Variants in DHX15 observed in about 807,000 individuals in gnomAD.
The protein encoded by DHX15 is DEAH-box helicase 15, also known as ATP-dependent RNA helicase DHX15.
A neutral mutation model predicts 94.4 loss-of-function variants in DHX15; 11 were observed. That is an observed-to-expected ratio of 0.12 (90% confidence interval 0.07 to 0.19). The LOEUF (loss-of-function observed/expected upper bound fraction) is 0.19, where lower values mean the gene tolerates loss of function less well. Ranked by LOEUF, DHX15 falls within the 10% of genes least tolerant of loss-of-function variation. The pLI is 1.00. For synonymous variants in DHX15, 338 were observed against 329.9 expected (o/e 1.02, Z -0.27); for missense variants, 304 against 988.5 (o/e 0.31, Z 9.29).
intron 11 of DHX15, chr4:24,533,950 G>A (rs1721142512): frequency 6.6e-6 from 1 of 152,124 alleles, no homozygotes; most frequent in African/African-American, 2.4e-5. Flanking sequence ...TTTCTCTTTG[G>A]TTCTAGGATT....
At chr4:24,530,791 C>T (rs557989273) in intron 12 of DHX15, 2 of 152,180 alleles carry the variant, frequency 1.3e-5, no homozygotes, top group South Asian at 4.2e-4. Context: ...TTCTAATATT[C>T]TGTGCTTAAA....
At chr4:24,562,856 G>A (rs1721913787) in intron 3 of DHX15, among the ~76,000 whole-genome samples, 1 of 152,150 alleles carries the variant, frequency 6.6e-6, no homozygotes, top group Non-Finnish European at 1.5e-5. Context: ...TCAAATCTGT[G>A]AGACAATTCT....
chr4:24,574,210 A>AAG (rs756502035), intron 2 of DHX15, among the ~76,000 whole-genome samples: 2,734 of 131,950 alleles, frequency 0.021, 68 homozygotes, highest in Admixed American at 0.025. Flanking sequence ...TGTCTCAAAA[A>AAG]AAAAAAAAAA....
At position 24,563,615 on chromosome 4, in the gene DHX15, A is replaced by G. The variant is rs546465415; in HGVS notation, c.701+7039T>C. Reference sequence around the variant, plus strand: ...GAATATGTATGTTCTCATTTTAATGATTTAAAACATAATTTTTTTACTATT... The same window carrying G: ...GAATATGTATGTTCTCATTTTAATGGTTTAAAACATAATTTTTTTACTATT... On this transcript the variant is annotated intron_variant, in intron 3 of 13. Transcript: ENST00000336812. Among the ~76,000 whole-genome samples the G allele has an allele frequency of 2.4e-4, 37 of 152,334 alleles. 1 individual carries two copies. The South Asian group carries it at 7.5e-3, about 31-fold the overall frequency.
Position 24,548,873 on chromosome 4 carries a change from A to G in DHX15, c.1230T>C (p.Asn410=). The G allele has an allele frequency of 6.2e-7, 1 of 1,613,048 alleles. No homozygotes were observed. The part of the protein sequence containing the change: ...IFEPPPPKKQ[N]GAIGRKVVVS... The stretch of plus-strand genomic sequence containing the variant: ...ATGTTACCTTTCTTCCAATTGCTCC[A>G]TTCTGTTTTTTGGGAGGTGGAGGCT... The change falls in exon 6 of 14, where the codon AAT becomes AAC. Residue 410 remains asparagine, a synonymous_variant. Coordinates refer to ENST00000336812, the MANE Select transcript of DHX15 (RefSeq NM_001358.3).
At chr4:24,578,311 T>A (rs918935876) in intron 1 of DHX15, among the ~76,000 whole-genome samples, 13 of 152,248 alleles carry the variant, frequency 8.5e-5, no homozygotes, top group African/African-American at 3.1e-4. Flanking sequence ...AAGGTGACTG[T>A]TAATTAAGTG....
At chr4:24,556,212 A>T in intron 4 of DHX15, 39 bp downstream of exon 4, 1 of 1,579,980 alleles carries the variant, frequency 6.3e-7, no homozygotes, top group Non-Finnish European at 8.7e-7. Flanking sequence ...GCCCACATAC[A>T]CACATATATA....
chr4:24,573,398 C>T (rs115135245), intron 2 of DHX15, among the ~76,000 whole-genome samples: 8,296 of 152,298 alleles, frequency 0.054, 345 homozygotes, highest in Middle Eastern at 0.099. Context: ...CAGCTTTCAT[C>T]TTAGAGCTAA....
At chr4:24,556,533 T>A (rs1441980821) in intron 3 of DHX15, 123 bp from the exon 4 acceptor site, 2 of 763,424 alleles carry the variant, frequency 2.6e-6, no homozygotes, top group Non-Finnish European at 4.1e-6. Flanking sequence ...CCCAAACAAA[T>A]GTGCTACTGT....
At chr4:24,584,258 G>C in intron 1 of DHX15, 65 bp downstream of exon 1, 1 of 1,515,586 alleles carries the variant, frequency 6.6e-7, no homozygotes, top group Non-Finnish European at 8.9e-7. Flanking sequence ...GCCAGCCCCG[G>C]CCCGCTCCCT....
chr4:24,529,812 A>C (rs1721036836), intron 12 of DHX15, 42 bp from the exon 13 acceptor site: 1 of 1,600,258 alleles, frequency 6.2e-7, no homozygotes, highest in South Asian at 1.1e-5. Context: ...AATGCTTCTG[A>C]CTTGCTAGTT....
intron 2 of DHX15, among the ~76,000 whole-genome samples, chr4:24,575,292 T>G (rs1479348585): frequency 6.6e-6 from 1 of 152,188 alleles, no homozygotes; most frequent in African/African-American, 2.4e-5. Flanking sequence ...AAATTGTGTA[T>G]GCGGTATGTT....
At chr4:24,567,487 G>A (rs1467612990) in intron 3 of DHX15, among the ~76,000 whole-genome samples, 4 of 151,796 alleles carry the variant, frequency 2.6e-5, no homozygotes, top group Non-Finnish European at 4.4e-5. Context: ...TGAGGCAGGA[G>A]AATGGCTTGA....
In DHX15 at chr4:24,576,407, T is replaced by G; in HGVS notation, c.343A>C (p.Ile115Leu). The change falls in exon 2 of 14, where the codon ATT becomes CTT. Residue 115 changes from isoleucine (I) to leucine (L), a missense_variant. Physicochemically the swap from Ile to Leu is conservative, Grantham distance 5. This residue lies in a region of DHX15 where 143 missense variants were observed against 200.5 expected (regional missense o/e 0.71). Coordinates refer to ENST00000336812, the MANE Select transcript of DHX15 (RefSeq NM_001358.3). The stretch of plus-strand genomic sequence containing the variant: ...TGGGGTAAGTTGGTGAACGGATTAA[T>G]GCACTGTGGAAGTGACGTGTGACCT... ...HAGHTSLPQC[I>L]NPFTNLPHTP... 1.9e-6 allele frequency: 3 copies of G among 1,614,198 alleles called. No homozygotes were observed. Among genetic ancestry groups the G allele is most frequent in the Middle Eastern group, 1.6e-4 (1 of 6,062 alleles).
intron 12 of DHX15, among the ~76,000 whole-genome samples, chr4:24,531,380 G>A (rs1039781360): frequency 2.8e-4 from 42 of 152,062 alleles, no homozygotes; most frequent in African/African-American, 6.7e-4. Flanking sequence ...GAGCCACAGC[G>A]CCCGGCCAGT....
intron 13 of DHX15, among the ~76,000 whole-genome samples, chr4:24,528,906 A>T (rs1358996234): frequency 6.6e-6 from 1 of 151,232 alleles, no homozygotes; most frequent in Non-Finnish European, 1.5e-5. Context: ...TAAAAAACAA[A>T]ACAAAACAAA....
Position 24,528,509 on chromosome 4 carries a change from A to G in DHX15, c.2271-468T>C, listed in dbSNP as rs143795374. Among the ~76,000 whole-genome samples, 1,297 of 152,320 alleles carry G rather than the reference A, an allele frequency of 8.5e-3. 23 individuals carry two copies. The highest frequency in any genetic ancestry group is 0.029 in the African/African-American group (1,201 of 41,570). On this transcript the variant is annotated intron_variant, in intron 13 of 13. Transcript: ENST00000336812. ...GAAATCTTTTATAAAGTTTAGCTAT[A>G]TAATTTTTTTCTCAACAAAGCGTTT...
At chr4:24,582,447 G>T (rs1447490742) in intron 1 of DHX15, among the ~76,000 whole-genome samples, 1 of 152,138 alleles carries the variant, frequency 6.6e-6, no homozygotes, top group Non-Finnish European at 1.5e-5. Context: ...CATTTTAAAT[G>T]GTGCACATAT....
intron 3 of DHX15, 121 bp downstream of exon 3, chr4:24,570,533 A>G (rs944668747): frequency 5.4e-6 from 4 of 743,792 alleles, no homozygotes; most frequent in Non-Finnish European, 8.8e-6. Context: ...AAGTCTAAGA[A>G]GGCCTACTTT....
Sources: allele counts gnomAD v4.1 joint callset (sites outside exome capture counted in the v4.1 genomes callset), GRCh38; gene constraint gnomAD v4.1.1; regional missense constraint gnomAD v4.1.1; transcripts MANE v1.5; gene names NCBI Gene and HGNC (gene_info 2026-07-23, HGNC 2026-07-21).